Variants in ARHGAP15 observed in about 807,000 individuals in gnomAD.
ARHGAP15 encodes rho GTPase-activating protein 15.
In ARHGAP15, 51 loss-of-function variants were observed where a neutral mutation model predicts 63.7. That is an observed-to-expected ratio of 0.80 (90% CI 0.64 to 1.01). ARHGAP15 has a LOEUF of 1.01. ARHGAP15 is among the 50% of genes least tolerant of loss of function. The pLI is 0.00. For synonymous variants in ARHGAP15, 191 were observed against 193.8 expected (o/e 0.99, Z 0.12); for missense variants, 560 against 564.6 (o/e 0.99, Z 0.08).
chr2:143,746,593 A>G (rs1487948072), intron 13 of ARHGAP15, among the ~76,000 whole-genome samples: 1 of 152,224 alleles, frequency 6.6e-6, no homozygotes, highest in Non-Finnish European at 1.5e-5. Flanking sequence ...TGTAATAAGA[A>G]GTTACTGAAT....
intron 9 of ARHGAP15, among the ~76,000 whole-genome samples, chr2:143,509,279 C>T (rs996996354): frequency 2.7e-5 from 4 of 150,404 alleles, no homozygotes; most frequent in African/African-American, 9.8e-5. Context: ...ATTTAGATTC[C>T]AAACTACTTA....
At chr2:143,454,885 T>C (rs1415063063) in intron 8 of ARHGAP15, among the ~76,000 whole-genome samples, 1 of 151,986 alleles carries the variant, frequency 6.6e-6, no homozygotes, top group African/African-American at 2.4e-5. Context: ...CACATTCACA[T>C]CACAGACATT....
chr2:143,658,032 T>C (rs1232609748), intron 12 of ARHGAP15, among the ~76,000 whole-genome samples: 1 of 152,244 alleles, frequency 6.6e-6, no homozygotes, highest in African/African-American at 2.4e-5. Context: ...ACTACTTTTC[T>C]TTCTCATCAG....
intron 12 of ARHGAP15, among the ~76,000 whole-genome samples, chr2:143,670,667 T>C (rs961833983): frequency 6.6e-6 from 1 of 152,212 alleles, no homozygotes; most frequent in Non-Finnish European, 1.5e-5. Flanking sequence ...AATTTCTTTT[T>C]GTACCCCAGT....
chr2:143,365,509 T>A (rs1686256880), intron 6 of ARHGAP15, among the ~76,000 whole-genome samples: 1 of 152,198 alleles, frequency 6.6e-6, no homozygotes, highest in Non-Finnish European at 1.5e-5. Flanking sequence ...ATATCAGACA[T>A]ACTTTGCCTT....
At chr2:143,429,745 G>A (rs13353346) in intron 6 of ARHGAP15, among the ~76,000 whole-genome samples, 2,090 of 152,104 alleles carry the variant, frequency 0.014, 46 homozygotes, top group African/African-American at 0.045. Context: ...AACATTTCAC[G>A]GAGTCAGAAG....
intron 6 of ARHGAP15, among the ~76,000 whole-genome samples, chr2:143,307,522 T>C (rs1290467869): frequency 6.6e-6 from 1 of 152,150 alleles, no homozygotes; most frequent in Non-Finnish European, 1.5e-5. Flanking sequence ...AACTGAGGTA[T>C]CATCAGTTAA....
intron 6 of ARHGAP15, among the ~76,000 whole-genome samples, chr2:143,388,020 C>T (rs1687373258): frequency 6.6e-6 from 1 of 152,134 alleles, no homozygotes; most frequent in African/African-American, 2.4e-5. Flanking sequence ...CTAATGCTTT[C>T]CCTTTTCTTT....
At chr2:143,642,529 C>A (rs1680653741) in intron 12 of ARHGAP15, among the ~76,000 whole-genome samples, 1 of 152,036 alleles carries the variant, frequency 6.6e-6, no homozygotes, top group Admixed American at 6.6e-5. Context: ...CTTGGTGAAG[C>A]CAAATAAGAG....
At chr2:143,217,800 G>C (rs1407322378) in intron 4 of ARHGAP15, among the ~76,000 whole-genome samples, 2 of 152,170 alleles carry the variant, frequency 1.3e-5, no homozygotes, top group African/African-American at 2.4e-5. Flanking sequence ...GGAATAAAGA[G>C]TTTCTTCAAA....
chr2:143,249,509 T>A lies in ARHGAP15; in HGVS notation c.385-1002T>A, dbSNP rs193066785. Among the ~76,000 whole-genome samples, 122 of 152,272 alleles carry A rather than the reference T, an allele frequency of 8.0e-4. 2 individuals carry two copies. The East Asian group carries it at 0.016, about 20-fold the overall frequency. ...TTGGCTAAAAATATAATAAGCTTCATATACTAAAATTCTGAAGTATTTTAT... is the reference window on the plus strand; with the variant it reads ...TTGGCTAAAAATATAATAAGCTTCAAATACTAAAATTCTGAAGTATTTTAT... On this transcript the variant is annotated intron_variant, in intron 5 of 13. Transcript: ENST00000295095.
intron 10 of ARHGAP15, among the ~76,000 whole-genome samples, chr2:143,543,232 C>A (rs1486813136): frequency 6.6e-6 from 1 of 152,014 alleles, no homozygotes; most frequent in African/African-American, 2.4e-5. Flanking sequence ...TTAATAATAG[C>A]CATTCTATCA....
intron 10 of ARHGAP15, among the ~76,000 whole-genome samples, chr2:143,545,304 C>T (rs1163604255): frequency 3.3e-5 from 5 of 152,130 alleles, no homozygotes; most frequent in Non-Finnish European, 1.5e-5. Context: ...AAAAGTTATG[C>T]TCCACCAACA....
chr2:143,326,197 A>C (rs766631266), intron 6 of ARHGAP15, among the ~76,000 whole-genome samples: 1 of 152,184 alleles, frequency 6.6e-6, no homozygotes, highest in Admixed American at 6.5e-5. Flanking sequence ...CTACATTTTT[A>C]TGGTACTTTA....
intron 13 of ARHGAP15, among the ~76,000 whole-genome samples, chr2:143,714,630 C>G (rs1314226114): frequency 6.6e-6 from 1 of 152,246 alleles, no homozygotes; most frequent in East Asian, 1.9e-4. Flanking sequence ...TTTACAGCAC[C>G]TAAGTCACCT....
chr2:143,212,239 C>G (rs1197639219), intron 3 of ARHGAP15, among the ~76,000 whole-genome samples: 1 of 152,180 alleles, frequency 6.6e-6, no homozygotes, highest in African/African-American at 2.4e-5. Context: ...CCTGTCTTGT[C>G]TGTCGCCTCC....
chr2:143,652,773 A>G (rs1681237959), intron 12 of ARHGAP15, among the ~76,000 whole-genome samples: 1 of 152,088 alleles, frequency 6.6e-6, no homozygotes, highest in Non-Finnish European at 1.5e-5. Context: ...GTACTCTGCA[A>G]CATTGCAATA....
chr2:143,147,259 A>C (rs1689629717), intron 1 of ARHGAP15, among the ~76,000 whole-genome samples: 1 of 152,140 alleles, frequency 6.6e-6, no homozygotes, highest in South Asian at 2.1e-4. Flanking sequence ...GTGGCTGCTG[A>C]GCAACTTGTT....
chr2:143,190,881 C>T (rs1365966669), intron 2 of ARHGAP15, among the ~76,000 whole-genome samples: 1 of 152,206 alleles, frequency 6.6e-6, no homozygotes, highest in Non-Finnish European at 1.5e-5. Context: ...AGCGATTCTC[C>T]TGCCTCAGCC....
Sources: allele counts gnomAD v4.1 joint callset (sites outside exome capture counted in the v4.1 genomes callset), GRCh38; gene constraint gnomAD v4.1.1; transcripts MANE v1.5; gene names NCBI Gene and HGNC (gene_info 2026-07-23, HGNC 2026-07-21).